The following RAB27B variants were observed in gnomAD, a reference collection of about 807,000 sequenced individuals.
RAB27B encodes ras-related protein Rab-27B.
In RAB27B, 15 loss-of-function variants were observed where a neutral mutation model predicts 24.6. That is an observed-to-expected ratio of 0.61 (90% CI 0.41 to 0.94). The LOEUF (loss-of-function observed/expected upper bound fraction) is 0.94. Among genes scored for constraint, RAB27B ranks in the 40% least tolerant of loss-of-function variants. RAB27B has a pLI of 0.00. For synonymous variants in RAB27B, 105 were observed against 92.5 expected, an observed-to-expected ratio of 1.14 and a Z score of -0.78; for missense variants, 261 against 266.8, an observed-to-expected ratio of 0.98 and a Z score of 0.15.
intron 2 of RAB27B, among the ~76,000 whole-genome samples, chr18:54,816,176 C>T (rs56162185): frequency 0.37 from 56,774 of 151,996 alleles, 13,001 homozygotes; most frequent in East Asian, 0.52. Context: ...CTTGTCATGG[C>T]CAAAAAATAT....
intron 2 of RAB27B, among the ~76,000 whole-genome samples, chr18:54,768,864 C>T (rs917612920): frequency 6.6e-6 from 1 of 152,106 alleles, no homozygotes; most frequent in Admixed American, 6.6e-5. Context: ...GAAACTGCCC[C>T]CATGATCCAA....
intron 2 of RAB27B, among the ~76,000 whole-genome samples, chr18:54,822,004 A>C (rs2145168414): frequency 6.6e-6 from 1 of 152,296 alleles, no homozygotes; most frequent in East Asian, 1.9e-4. Context: ...CCACCCGCCT[A>C]GACCTCCCAA....
chr18:54,723,425 A>G (rs929444182), intron 2 of RAB27B, among the ~76,000 whole-genome samples: 1 of 152,212 alleles, frequency 6.6e-6, no homozygotes, highest in African/African-American at 2.4e-5. Flanking sequence ...TTATTCAACT[A>G]TTATGCTTGG....
At chr18:54,862,735 C>A (rs1778535164) in intron 1 of RAB27B, among the ~76,000 whole-genome samples, 2 of 152,318 alleles carry the variant, frequency 1.3e-5, no homozygotes, top group South Asian at 4.1e-4. Flanking sequence ...GGATTATATA[C>A]ACACTCCAGT....
chr18:54,855,680 G>T (rs183197312), intron 1 of RAB27B, among the ~76,000 whole-genome samples: 21 of 152,274 alleles, frequency 1.4e-4, no homozygotes, highest in Non-Finnish European at 2.4e-4. Flanking sequence ...GTAATTTACT[G>T]TCTTAAATGC....
At chr18:54,887,017 C>CCCGT (rs1913166795) in intron 4 of RAB27B, among the ~76,000 whole-genome samples, 1 of 104,352 alleles carries the variant, frequency 9.6e-6, no homozygotes, top group Non-Finnish European at 2.0e-5. Context: ...AACTCTCCCT[C>CCCGT]CCTTCCTCCC....
At chr18:54,843,638 T>C (rs1911205854) in intron 1 of RAB27B, among the ~76,000 whole-genome samples, 1 of 152,194 alleles carries the variant, frequency 6.6e-6, no homozygotes, top group Non-Finnish European at 1.5e-5. Context: ...TGTCAACCTA[T>C]TATAAAAGAA....
chr18:54,725,960 T>G (rs1909524917), intron 2 of RAB27B, among the ~76,000 whole-genome samples: 1 of 151,710 alleles, frequency 6.6e-6, no homozygotes, highest in Admixed American at 6.6e-5. Context: ...AGCTGCATAA[T>G]AAAGTGAAAG....
intron 2 of RAB27B, among the ~76,000 whole-genome samples, chr18:54,796,567 TC>T (rs913323985): frequency 9.2e-5 from 14 of 152,008 alleles, no homozygotes; most frequent in African/African-American, 3.1e-4. Context: ...AGAGGCAGAC[TC>T]CCCCCTCTCT....
At chr18:54,720,063 C>T (rs1372662706) in intron 2 of RAB27B, among the ~76,000 whole-genome samples, 1 of 152,048 alleles carries the variant, frequency 6.6e-6, no homozygotes, top group African/African-American at 2.4e-5. Flanking sequence ...GAACTTTCTT[C>T]CTGAATTTAA....
At chr18:54,872,625 TA>T (rs67765103) in intron 1 of RAB27B, among the ~76,000 whole-genome samples, 42,434 of 137,410 alleles carry the variant, frequency 0.31, 6,205 homozygotes, top group East Asian at 0.47. Context: ...AACTCTGCCT[TA>T]AAAAAAAAAA....
intron 1 of RAB27B, among the ~76,000 whole-genome samples, chr18:54,851,736 C>G (rs1360554303): frequency 6.6e-6 from 1 of 151,806 alleles, no homozygotes; most frequent in Non-Finnish European, 1.5e-5. Context: ...ACTCCCAGGC[C>G]CAAGCTACAC....
At chr18:54,876,947 A>T (rs555781202) in intron 1 of RAB27B, among the ~76,000 whole-genome samples, 47 of 152,116 alleles carry the variant, frequency 3.1e-4, no homozygotes, top group Non-Finnish European at 5.1e-4. Context: ...TTTAAGTTCT[A>T]CTATTGCTGT....
intron 1 of RAB27B, among the ~76,000 whole-genome samples, chr18:54,831,059 C>G (rs35413162): frequency 0.23 from 34,798 of 151,920 alleles, 4,230 homozygotes; most frequent in East Asian, 0.39. Flanking sequence ...ACCAGGGAGA[C>G]AAAGACCAAC....
At chr18:54,764,654 T>A (rs564123509) in intron 2 of RAB27B, among the ~76,000 whole-genome samples, 2 of 139,266 alleles carry the variant, frequency 1.4e-5, no homozygotes, top group Non-Finnish European at 3.3e-5. Flanking sequence ...TATTCTCTCT[T>A]AGAATTTTCC....
intron 1 of RAB27B, among the ~76,000 whole-genome samples, chr18:54,830,005 C>T (rs1374345712): frequency 2.6e-5 from 4 of 152,152 alleles, no homozygotes; most frequent in African/African-American, 4.8e-5. Context: ...GTGTTACTGT[C>T]ATTGCTTTCG....
chr18:54,785,447 T>TG (rs1214907689), intron 2 of RAB27B, among the ~76,000 whole-genome samples: 2 of 147,696 alleles, frequency 1.4e-5, no homozygotes, highest in African/African-American at 2.6e-5. Context: ...TTTTTTTTTT[T>TG]TTTTTTTTTT....
At position 54,727,135 on chromosome 18, in the gene RAB27B, G is replaced by A. The variant is rs1029981992; in HGVS notation, c.-20+8994G>A. On this transcript the variant is annotated intron_variant, in intron 2 of 4. Transcript: ENST00000586570. ...ATTACAGGCATGTGCCACTATGCCC[G>A]ACTAATTTTTGTATTTTTAGTAGAG... Among the ~76,000 whole-genome samples the A allele has an allele frequency of 5.9e-5, 9 of 152,202 alleles. No individual in the cohort carries two copies. In the South Asian group the frequency reaches 1.2e-3, roughly 21 times the overall value.
chr18:54,747,214 TG>T (rs974427422), intron 2 of RAB27B, among the ~76,000 whole-genome samples: 1 of 152,160 alleles, frequency 6.6e-6, no homozygotes, highest in African/African-American at 2.4e-5. Flanking sequence ...CCTTCATTTT[TG>T]CTTGTGAAAG....
Sources: allele counts gnomAD v4.1 joint callset (sites outside exome capture counted in the v4.1 genomes callset), GRCh38; gene constraint gnomAD v4.1.1; transcripts MANE v1.5; gene names NCBI Gene and HGNC (gene_info 2026-07-23, HGNC 2026-07-21).